The following CSF1R variants were observed in gnomAD, a reference collection of about 807,000 sequenced individuals.
CSF1R encodes the protein macrophage colony-stimulating factor 1 receptor.
Under a neutral mutation model 110.0 loss-of-function variants are expected in CSF1R, and 40 were observed. That is an observed-to-expected ratio of 0.36 (90% CI 0.28 to 0.47). The LOEUF is 0.47. Among genes scored for constraint, CSF1R ranks in the 20% least tolerant of loss-of-function variants. The probability of loss-of-function intolerance (pLI) is 0.99; values close to 1 mark genes in which losing one functional copy is unlikely to be tolerated. For synonymous variants in CSF1R, 523 were observed against 503.4 expected, an observed-to-expected ratio of 1.04 and a Z score of -0.52; for missense variants, 1,052 against 1,253.0, an observed-to-expected ratio of 0.84 and a Z score of 2.42.
chr5:150,070,023 A>G lies in CSF1R; in HGVS notation c.1360T>C (p.Tyr454His), dbSNP rs1224516781. 1 of 1,613,972 alleles carries G rather than the reference A, an allele frequency of 6.2e-7. No homozygotes were observed. The highest frequency in any genetic ancestry group is 2.2e-5 in the East Asian group (1 of 44,882). ...GGCTCCTGGCTCAGGACCTCAGGGTATGGGTCATCCCAGACCTGCAGCACT... is the reference window on the plus strand; with the variant it reads ...GGCTCCTGGCTCAGGACCTCAGGGTGTGGGTCATCCCAGACCTGCAGCACT... ...AQVLQVWDDP[Y>H]PEVLSQEPFH... Residue 454 changes from tyrosine to histidine, a missense_variant, in exon 9 of 21, where the codon TAC (tyrosine) becomes CAC (histidine). Transcript: ENST00000675795.
In CSF1R at chr5:150,066,471, G is replaced by A. The variant is rs1308216701; in HGVS notation, c.1626+1744C>T. 2.0e-5 allele frequency among the ~76,000 whole-genome samples: 3 copies of A among 152,146 alleles called. No homozygotes were observed. The East Asian group carries it at 5.8e-4, about 29-fold the overall frequency. On this transcript the variant is annotated intron_variant, in intron 10 of 20. Coordinates refer to ENST00000675795, the MANE Select transcript of CSF1R (RefSeq NM_001288705.3). ...GCTCTTGGCATGTCAGAGGAGGAGG[G>A]GCTGTTAGAGAACACCCAGACCCAT...
At chr5:150,085,065 G>A (rs1322757388) in intron 1 of CSF1R, among the ~76,000 whole-genome samples, 3 of 152,060 alleles carry the variant, frequency 2.0e-5, no homozygotes, top group East Asian at 1.9e-4. Flanking sequence ...GATCACCTGA[G>A]GTCAGGAGTT....
chr5:150,096,270 ATCCCAGC>A (rs1231219811), intron 1 of CSF1R, among the ~76,000 whole-genome samples: 1 of 152,106 alleles, frequency 6.6e-6, no homozygotes, highest in Non-Finnish European at 1.5e-5. Context: ...GGCACCTGTA[ATCCCAGC>A]TACTTGGGAG....
At chr5:150,079,532 A>G (rs1402508736) in intron 3 of CSF1R, among the ~76,000 whole-genome samples, 2 of 152,066 alleles carry the variant, frequency 1.3e-5, no homozygotes, top group African/African-American at 2.4e-5. Flanking sequence ...CATCCCTCCT[A>G]CACATGCCCA....
Position 150,070,360 on chromosome 5 carries a change from C to T in CSF1R, c.1199-58G>A, listed in dbSNP as rs933158247. On this transcript the variant is annotated intron_variant, in intron 7 of 20. Transcript: ENST00000675795. Reference sequence around the variant, plus strand: ...CTTTCCCCGCCACCTCCCAATCTCCCAGTACCTACTTCCCTGTGCCCTGCC... The same window carrying T: ...CTTTCCCCGCCACCTCCCAATCTCCTAGTACCTACTTCCCTGTGCCCTGCC... The T allele has an allele frequency of 1.1e-5, 18 of 1,597,798 alleles. No individual in the cohort carries two copies. In the Middle Eastern group the frequency reaches 1.8e-3, roughly 163 times the overall value.
chr5:150,098,006 T>C (rs1759280116), intron 1 of CSF1R, among the ~76,000 whole-genome samples: 1 of 152,198 alleles, frequency 6.6e-6, no homozygotes, highest in African/African-American at 2.4e-5. Context: ...ACAGACTCTA[T>C]AAAGCTATAA....
intron 1 of CSF1R, among the ~76,000 whole-genome samples, chr5:150,105,754 T>C (rs557662279): frequency 6.6e-6 from 1 of 152,258 alleles, no homozygotes; most frequent in Non-Finnish European, 1.5e-5. Flanking sequence ...AAACTCCTCC[T>C]GGCATCAAGC....
chr5:150,096,671 A>C (rs1371454047), intron 1 of CSF1R, among the ~76,000 whole-genome samples: 1 of 152,238 alleles, frequency 6.6e-6, no homozygotes, highest in African/African-American at 2.4e-5. Flanking sequence ...TTAAAGGTTG[A>C]AACGTTCAAC....
chr5:150,057,566 A>G lies in CSF1R; in HGVS notation c.2159T>C (p.Val720Ala), dbSNP rs1581282464. 6.2e-7 allele frequency: 1 copy of G among 1,614,174 alleles called. No homozygotes were observed. The highest frequency in any genetic ancestry group is 8.5e-7 in the Non-Finnish European group (1 of 1,180,022). Reference protein sequence around the residue: ...RRDSGFSSQGVDTYVEMRPVS... With the variant: ...RRDSGFSSQGADTYVEMRPVS... Reference sequence around the variant, plus strand: ...AGGCCTCATCTCCACATAGGTGTCCACACCCTGGCTGGAGAAGCCACTGTC... The same window carrying G: ...AGGCCTCATCTCCACATAGGTGTCCGCACCCTGGCTGGAGAAGCCACTGTC... The change falls in exon 15 of 21, where the codon GTG (valine) becomes GCG (alanine). Residue 720 changes from valine (V) to alanine (A), a missense_variant. Physicochemically the swap from Val to Ala is moderately conservative, Grantham distance 64. This residue lies in a region of CSF1R where 124 missense variants were observed against 117.7 expected (regional missense o/e 1.05). Transcript: ENST00000675795.
chr5:150,099,208 A>T (rs2113861053), intron 1 of CSF1R, among the ~76,000 whole-genome samples: 1 of 151,922 alleles, frequency 6.6e-6, no homozygotes, highest in African/African-American at 2.4e-5. Flanking sequence ...GTGCCTGGCC[A>T]CGAACAACTA....
In CSF1R at chr5:150,060,829, AGACCTTGGCCCCAG is replaced by A; in HGVS notation, c.1969+19_1969+32del. On this transcript the variant is annotated intron_variant, in intron 13 of 20. Coordinates refer to ENST00000675795, the MANE Select transcript of CSF1R (RefSeq NM_001288705.3). ...GCCCTGAGATTCCCCAGAGGCCCCA[AGACCTTGGCCCCAG>A]GAACCCCAAGGCCCTTACCTCCATG... is the stretch of plus-strand genomic sequence containing the variant. The A allele has an allele frequency of 6.8e-7, 1 of 1,473,326 alleles. No homozygotes were observed. The highest frequency in any genetic ancestry group is 9.4e-7 in the Non-Finnish European group (1 of 1,066,640). 91.3% of individuals were successfully genotyped at this position (1,473,326 alleles called of 1,614,324 possible).
Position 150,080,189 on chromosome 5 carries a change from G to A in CSF1R, c.455C>T (p.Thr152Ile). ...ATGCCAGGGCGAGAAGGAGTAGTTG[G>A]TGTGGCGCATGAGGGGCCGGCCACG... ...RVRGRPLMRHTNYSFSPWHGF... is the reference protein window; with the variant it reads ...RVRGRPLMRHINYSFSPWHGF... The change falls in exon 3 of 21, where the codon ACC becomes ATC. Residue 152 changes from threonine (T) to isoleucine (I), a missense_variant. Thr to Ile is a moderately conservative substitution (Grantham distance 89). This residue lies in a region of CSF1R where 693 missense variants were observed against 735.4 expected (regional missense o/e 0.94). Transcript: ENST00000675795. The A allele has an allele frequency of 1.2e-6, 2 of 1,613,800 alleles. No homozygotes were observed. The highest frequency in any genetic ancestry group is 8.5e-7 in the Non-Finnish European group (1 of 1,180,046).
At chr5:150,078,700 A>G (rs73275661) in intron 3 of CSF1R, among the ~76,000 whole-genome samples, 3,043 of 152,016 alleles carry the variant, frequency 0.02, 107 homozygotes, top group African/African-American at 0.07. Flanking sequence ...TGATAACCCC[A>G]CCCCTTGTTC....
At chr5:150,096,861 G>T (rs1759238922) in intron 1 of CSF1R, among the ~76,000 whole-genome samples, 2 of 152,188 alleles carry the variant, frequency 1.3e-5, no homozygotes, top group African/African-American at 4.8e-5. Context: ...AGTGGTGAAA[G>T]ATTGTATATT....
intron 9 of CSF1R, among the ~76,000 whole-genome samples, chr5:150,068,732 C>A (rs1395163356): frequency 2.6e-5 from 4 of 152,202 alleles, no homozygotes; most frequent in Admixed American, 1.3e-4. Flanking sequence ...CACACTGCAA[C>A]CTTCCTCTCC....
chr5:150,102,624 C>T (rs1318702458), intron 1 of CSF1R, among the ~76,000 whole-genome samples: 3 of 152,240 alleles, frequency 2.0e-5, no homozygotes, highest in Admixed American at 6.5e-5. Flanking sequence ...GGATTACAGG[C>T]GCCCACCACC....
chr5:150,101,084 A>T (rs947410955), intron 1 of CSF1R, among the ~76,000 whole-genome samples: 5 of 151,086 alleles, frequency 3.3e-5, no homozygotes, highest in African/African-American at 9.7e-5. Context: ...AAAAAAAAAA[A>T]GGTGATACCT....
intron 1 of CSF1R, among the ~76,000 whole-genome samples, chr5:150,098,890 C>CTTTT (rs34306632): frequency 7.8e-6 from 1 of 128,664 alleles, no homozygotes; most frequent in African/African-American, 2.9e-5. Context: ...ATACAAACAA[C>CTTTT]TTTTTTTTTT....
At chr5:150,054,500 A>G (rs777266095) in intron 19 of CSF1R, 70 bp from the exon 20 acceptor site, 14 of 1,310,352 alleles carry the variant, frequency 1.1e-5, no homozygotes, top group Middle Eastern at 2.6e-4. Context: ...ACACACCCCT[A>G]GAGAGACCTA....
Sources: allele counts gnomAD v4.1 joint callset (sites outside exome capture counted in the v4.1 genomes callset), GRCh38; gene constraint gnomAD v4.1.1; regional missense constraint gnomAD v4.1.1; transcripts MANE v1.5; gene names NCBI Gene and HGNC (gene_info 2026-07-23, HGNC 2026-07-21).